DSCAM: variants seen among roughly 807,000 people sequenced by gnomAD.
DSCAM encodes cell adhesion molecule DSCAM.
DSCAM carries 47 observed loss-of-function variants against 217.7 expected under a neutral mutation model. The ratio of observed to expected loss-of-function variants is 0.22; its 90% CI spans 0.17 to 0.28. The LOEUF (loss-of-function observed/expected upper bound fraction) is 0.28, where lower values mean the gene tolerates loss of function less well. DSCAM is among the 10% of genes least tolerant of loss of function. The pLI is 1.00. For missense variants in DSCAM, 2,080 were observed against 2,618.3 expected (o/e 0.79, Z 4.49); for synonymous variants, 1,056 against 1,015.3 (o/e 1.04, Z -0.76).
At chr21:40,796,486 G>A (rs974146924) in intron 1 of DSCAM, among the ~76,000 whole-genome samples, 7 of 152,214 alleles carry the variant, frequency 4.6e-5, no homozygotes, top group African/African-American at 1.2e-4. Context: ...AGCAAAAGTA[G>A]TGGTAGAATT....
At chr21:40,278,502 G>T (rs911726151) in intron 10 of DSCAM, among the ~76,000 whole-genome samples, 1 of 152,142 alleles carries the variant, frequency 6.6e-6, no homozygotes, top group Non-Finnish European at 1.5e-5. Context: ...GGAGACCAGG[G>T]TGGGGGCAAG....
intron 27 of DSCAM, among the ~76,000 whole-genome samples, chr21:40,065,072 A>G (rs1021502267): frequency 1.3e-5 from 2 of 152,144 alleles, no homozygotes; most frequent in African/African-American, 4.8e-5. Context: ...ATGTGAAGAT[A>G]GAGGAAATCT....
chr21:40,796,122 TC>T (rs1214718228), intron 1 of DSCAM, among the ~76,000 whole-genome samples: 1 of 152,224 alleles, frequency 6.6e-6, no homozygotes, highest in African/African-American at 2.4e-5. Flanking sequence ...TGTGTTCTTG[TC>T]CCAACTCTTC....
intron 11 of DSCAM, among the ~76,000 whole-genome samples, chr21:40,257,774 G>A (rs2073394451): frequency 2.0e-5 from 3 of 151,944 alleles, no homozygotes; most frequent in African/African-American, 7.3e-5. Flanking sequence ...ACTTACCCTT[G>A]TTTTTTTCTC....
At chr21:40,682,619 AAGAGAAAGAG>A (rs1482415276) in intron 3 of DSCAM, among the ~76,000 whole-genome samples, 3 of 19,266 alleles carry the variant, frequency 1.6e-4, no homozygotes, top group African/African-American at 3.9e-4. Flanking sequence ...AAGAAAGAGA[AAGAGAAAGAG>A]AGAGAAAGAA....
At chr21:40,045,887 C>T (rs1263460490) in intron 30 of DSCAM, among the ~76,000 whole-genome samples, 1 of 152,180 alleles carries the variant, frequency 6.6e-6, no homozygotes, top group Non-Finnish European at 1.5e-5. Flanking sequence ...AATGGTATCC[C>T]TCTGTGGATC....
At chr21:40,266,991 T>A (rs528861919) in intron 11 of DSCAM, among the ~76,000 whole-genome samples, 1 of 125,172 alleles carries the variant, frequency 8.0e-6, no homozygotes, top group East Asian at 2.6e-4. Flanking sequence ...CACAAAGGCA[T>A]ACAGAGTGCT....
intron 15 of DSCAM, among the ~76,000 whole-genome samples, chr21:40,168,763 G>C (rs1467130108): frequency 6.6e-6 from 1 of 152,160 alleles, no homozygotes; most frequent in African/African-American, 2.4e-5. Context: ...TAAAGGAAGA[G>C]GAAGTTCTGA....
At chr21:40,645,075 C>T (rs1234595649) in intron 3 of DSCAM, among the ~76,000 whole-genome samples, 1 of 152,190 alleles carries the variant, frequency 6.6e-6, no homozygotes, top group Non-Finnish European at 1.5e-5. Context: ...CAATCTAGGA[C>T]ACTTTCCTAG....
At chr21:40,508,784 T>TATATATATA (rs1430772822) in intron 3 of DSCAM, among the ~76,000 whole-genome samples, 1 of 9,090 alleles carries the variant, frequency 1.1e-4, no homozygotes, top group Non-Finnish European at 2.3e-4. Flanking sequence ...TATATATATA[T>TATATATATA]TTTTTTTTTT....
chr21:40,548,572 T>C lies in DSCAM; in HGVS notation c.508+144238A>G, dbSNP rs980901969. 1.1e-4 allele frequency among the ~76,000 whole-genome samples: 16 copies of C among 152,082 alleles called. 1 individual carries two copies. The East Asian group carries it at 2.5e-3, about 24-fold the overall frequency. ...AATTTGTATTTCCTTTTCTAAATTA[T>C]CAGAGAAAGATCTCAATAGCACGTG... On this transcript the variant is annotated intron_variant, in intron 3 of 32. Coordinates refer to ENST00000400454, the MANE Select transcript of DSCAM (RefSeq NM_001389.5).
At chr21:40,472,922 C>A (rs945414324) in intron 3 of DSCAM, among the ~76,000 whole-genome samples, 5 of 152,126 alleles carry the variant, frequency 3.3e-5, no homozygotes, top group Non-Finnish European at 7.3e-5. Context: ...GCTGATGGTG[C>A]AAACACAGCT....
At chr21:40,206,769 A>G (rs118087168) in intron 11 of DSCAM, among the ~76,000 whole-genome samples, 5,136 of 152,130 alleles carry the variant, frequency 0.034, 127 homozygotes, top group African/African-American at 0.065. Flanking sequence ...TAAATAACTG[A>G]GCATGGTAGC....
intron 1 of DSCAM, among the ~76,000 whole-genome samples, chr21:40,807,822 C>T (rs1601291383): frequency 6.6e-6 from 1 of 152,092 alleles, no homozygotes; most frequent in East Asian, 1.9e-4. Context: ...CCACCTTCTT[C>T]TCTTATCTGT....
chr21:40,602,775 C>T (rs11911216), intron 3 of DSCAM, among the ~76,000 whole-genome samples: 1 of 151,862 alleles, frequency 6.6e-6, no homozygotes. Flanking sequence ...TTTAAAGAAC[C>T]AGATTTTAGT....
chr21:40,747,464 A>T (rs1208955011), intron 1 of DSCAM, among the ~76,000 whole-genome samples: 1 of 151,776 alleles, frequency 6.6e-6, no homozygotes, highest in Non-Finnish European at 1.5e-5. Context: ...AGAAGAAATG[A>T]GTAAATTTTG....
intron 3 of DSCAM, among the ~76,000 whole-genome samples, chr21:40,550,094 A>G (rs55897893): frequency 0.07 from 10,619 of 152,176 alleles, 423 homozygotes; most frequent in East Asian, 0.11. Flanking sequence ...GTCCGATATC[A>G]CCCAGCTAGT....
chr21:40,709,261 C>T (rs191480709), intron 1 of DSCAM, among the ~76,000 whole-genome samples: 1 of 152,150 alleles, frequency 6.6e-6, no homozygotes, highest in African/African-American at 2.4e-5. Flanking sequence ...TCAAATTGCT[C>T]TCTTTACTAG....
chr21:40,169,054 A>T lies in DSCAM; in HGVS notation c.2948-1766T>A, dbSNP rs544260060. On this transcript the variant is annotated intron_variant, in intron 15 of 32. Transcript: ENST00000400454. ...AAGCAAATGGGAGAAATTTAACAAC[A>T]ACAACAAAAGGTAAACTTGAAGGAA... Among the ~76,000 whole-genome samples, 4 of 152,328 alleles carry T rather than the reference A, an allele frequency of 2.6e-5. No individual in the cohort carries two copies. The East Asian group carries it at 5.8e-4, about 22-fold the overall frequency.
Sources: gnomAD v4.1 joint callset for allele counts (sites outside exome capture counted in the v4.1 genomes callset) on GRCh38, gnomAD v4.1.1 for gene constraint, MANE v1.5 for transcripts, NCBI Gene and HGNC (gene_info 2026-07-23, HGNC 2026-07-21) for gene names.